IFT140: variants seen among roughly 807,000 people sequenced by gnomAD.
IFT140 encodes intraflagellar transport protein 140 homolog.
IFT140 carries 133 observed loss-of-function variants against 164.6 expected under a neutral mutation model. The ratio of observed to expected loss-of-function variants is 0.81; its 90% CI spans 0.70 to 0.93. The LOEUF (loss-of-function observed/expected upper bound fraction) is 0.93, where lower values mean the gene tolerates loss of function less well. Among genes scored for constraint, IFT140 ranks in the 40% least tolerant of loss-of-function variants. IFT140 has a pLI of 0.00. For missense variants in IFT140, 2,045 were observed against 1,972.3 expected (o/e 1.04, Z -0.70); for synonymous variants, 860 against 817.3 (o/e 1.05, Z -0.89).
rs138263672 is a variant in IFT140, at chr16:1,602,427, G to A, written c.312C>T (p.Ala104=). ...GGCTCCAACGGAGCACGGTGATGTC[G>A]GCTGTGTGTGTCAGGGGCATCGTGT... is the stretch of plus-strand genomic sequence containing the variant. The part of the protein sequence containing the change: ...EQHTMPLTHT[A]DITVLRWSPS... The change falls in exon 4 of 31, where the codon GCC becomes GCT. Residue 104 remains alanine (A), a synonymous_variant. Transcript: ENST00000426508. 4.2e-5 allele frequency: 67 copies of A among 1,614,098 alleles called. No individual in the cohort carries two copies. The highest frequency in any genetic ancestry group is 5.2e-5 in the Non-Finnish European group (61 of 1,180,050).
chr16:1,572,875 C>G (rs934886910), intron 13 of IFT140, among the ~76,000 whole-genome samples: 1 of 152,198 alleles, frequency 6.6e-6, no homozygotes. Context: ...CCAGGGCACT[C>G]CACGTGGGGG....
chr16:1,554,792 G>C (rs1359627142), intron 19 of IFT140: 1 of 1,614,166 alleles, frequency 6.2e-7, no homozygotes, highest in South Asian at 1.1e-5. Flanking sequence ...GTTTTGTCCT[G>C]GTCATCGGGC....
chr16:1,566,074 C>T (rs2033696276), intron 16 of IFT140, 87 bp downstream of exon 16: 25 of 1,377,490 alleles, frequency 1.8e-5, no homozygotes, highest in South Asian at 2.4e-5. Context: ...TTTGAAGGCG[C>T]GTTAACTTAG....
chr16:1,565,574 A>G (rs1198524826), intron 16 of IFT140, among the ~76,000 whole-genome samples: 1 of 152,154 alleles, frequency 6.6e-6, no homozygotes, highest in African/African-American at 2.4e-5. Context: ...CTCTGTGAGC[A>G]TATGCAGGCC....
intron 10 of IFT140, among the ~76,000 whole-genome samples, chr16:1,585,399 TGCCA>T (rs2034814691): frequency 1.3e-5 from 2 of 152,206 alleles, no homozygotes. Flanking sequence ...GATTAGTGGC[TGCCA>T]AGGGCTGGAG....
chr16:1,577,447 C>G (rs568345461), intron 13 of IFT140: 1 of 152,240 alleles, frequency 6.6e-6, no homozygotes, highest in South Asian at 2.1e-4. Flanking sequence ...GGCTTCCAGT[C>G]AATGGTAGGC....
At position 1,549,456 on chromosome 16, in the gene IFT140, C is replaced by T. The variant is rs902717772; in HGVS notation, c.2399+8479G>A. Among the ~76,000 whole-genome samples, 13 of 152,382 alleles carry T rather than the reference C, an allele frequency of 8.5e-5. No homozygotes were observed. In the East Asian group the frequency reaches 1.3e-3, roughly 16 times the overall value. On this transcript the variant is annotated intron_variant, in intron 19 of 30. Coordinates refer to ENST00000426508, the MANE Select transcript of IFT140 (RefSeq NM_014714.4). ...TTCTTTGTTTTTTGAGACTGGCTTT[C>T]GCTCTTGTTGCCCAGGCTGGAGGGC...
At chr16:1,530,973 G>A (rs1313648696) in intron 19 of IFT140, 1 of 152,282 alleles carries the variant, frequency 6.6e-6, no homozygotes, top group Non-Finnish European at 1.5e-5. Flanking sequence ...GAACCCACGG[G>A]AAGGGCGGTC....
intron 19 of IFT140, chr16:1,534,184 A>G: frequency 6.5e-7 from 1 of 1,533,678 alleles, no homozygotes; most frequent in Non-Finnish European, 8.8e-7. Context: ...GATGTCCTCT[A>G]GCCACCCCTA....
At chr16:1,527,947 G>A (rs1342783309) in intron 19 of IFT140, among the ~76,000 whole-genome samples, 1 of 152,190 alleles carries the variant, frequency 6.6e-6, no homozygotes, top group Non-Finnish European at 1.5e-5. Context: ...AATGACTGAG[G>A]ACTTGGTTTG....
intron 19 of IFT140, among the ~76,000 whole-genome samples, chr16:1,547,816 G>A (rs1032849172): frequency 3.3e-5 from 5 of 152,188 alleles, no homozygotes; most frequent in Admixed American, 1.3e-4. Context: ...GATTACAGGC[G>A]TGAGTCACTG....
At chr16:1,577,622 G>C (rs988070584) in intron 13 of IFT140, 2 of 152,248 alleles carry the variant, frequency 1.3e-5, no homozygotes, top group Non-Finnish European at 2.9e-5. Flanking sequence ...GGGAGGCTGA[G>C]GCAGGTGGAT....
intron 4 of IFT140, among the ~76,000 whole-genome samples, chr16:1,594,612 T>C (rs2035356138): frequency 6.6e-6 from 1 of 152,218 alleles, no homozygotes; most frequent in Non-Finnish European, 1.5e-5. Flanking sequence ...AGTGAAGTCC[T>C]CGTGCTTGGT....
chr16:1,555,629 C>G (rs1458427322), intron 19 of IFT140: 1 of 152,476 alleles, frequency 6.6e-6, no homozygotes, highest in Non-Finnish European at 1.5e-5. Flanking sequence ...AACATTTGAT[C>G]CACTTTTTTG....
At chr16:1,587,625 A>G (rs1256537993) in intron 8 of IFT140, among the ~76,000 whole-genome samples, 1 of 152,172 alleles carries the variant, frequency 6.6e-6, no homozygotes, top group Non-Finnish European at 1.5e-5. Context: ...AGAGACCACA[A>G]CGACTGATTC....
rs368190792 is a variant in IFT140, at chr16:1,520,651, C to T, written c.3611G>A (p.Ser1204Asn). 1.6e-5 allele frequency: 26 copies of T among 1,602,198 alleles called. No homozygotes were observed. Among genetic ancestry groups the T allele is most frequent in the Non-Finnish European group, 2.2e-5 (26 of 1,173,662 alleles). Residue 1204 changes from serine to asparagine, a missense_variant, in exon 27 of 31, where the codon AGC (serine) becomes AAC (asparagine). Coordinates refer to ENST00000426508, the MANE Select transcript of IFT140 (RefSeq NM_014714.4). ...QIADCCMRQG[S>N]YHLATKKYTQ... ...GTACTTCTTGGTGGCCAGGTGGTAG[C>T]TGCCCTGGCGCATGCAGCAGTCTGC... is the stretch of plus-strand genomic sequence containing the variant.
chr16:1,524,365 T>C, intron 24 of IFT140, 187 bp downstream of exon 24: 2 of 719,374 alleles, frequency 2.8e-6, no homozygotes, highest in Non-Finnish European at 2.2e-6. Flanking sequence ...TTGCAAACAA[T>C]GTCAGATGGA....
intron 1 of IFT140, among the ~76,000 whole-genome samples, chr16:1,611,402 G>A (rs1447773850): frequency 6.6e-6 from 1 of 152,052 alleles, no homozygotes; most frequent in African/African-American, 2.4e-5. Flanking sequence ...GGAGGCTGAG[G>A]GAGGAGAATC....
Position 1,562,068 on chromosome 16 carries a change from G to A in IFT140, c.2116C>T (p.Leu706=), listed in dbSNP as rs201118178. 2.2e-5 allele frequency: 35 copies of A among 1,612,140 alleles called. No individual in the cohort carries two copies. Among genetic ancestry groups the A allele is most frequent in the Non-Finnish European group, 6.8e-6 (8 of 1,179,178 alleles). ...GGCCGGGGGAAGCTCTCATGAAGCA[G>A]GAAGCCGTGCTCTTCGGAAATGAAG... ...SFFISEEHGF[L]LHESFPRPAT... The change falls in exon 18 of 31, where the codon CTG becomes TTG. Residue 706 remains leucine (L), a synonymous_variant. Transcript: ENST00000426508.
Sources: gnomAD v4.1 joint callset for allele counts (sites outside exome capture counted in the v4.1 genomes callset) on GRCh38, gnomAD v4.1.1 for gene constraint, MANE v1.5 for transcripts, NCBI Gene and HGNC (gene_info 2026-07-23, HGNC 2026-07-21) for gene names.